Variants in NKAIN2 observed in about 807,000 individuals in gnomAD.
NKAIN2 encodes the protein sodium/potassium-transporting ATPase subunit beta-1-interacting protein 2.
Under a neutral mutation model 32.6 loss-of-function variants are expected in NKAIN2, and 14 were observed. The observed-to-expected ratio is 0.43, with a 90% confidence interval of 0.28 to 0.67. The LOEUF (loss-of-function observed/expected upper bound fraction) is 0.67, where lower values mean the gene tolerates loss of function less well. Ranked by LOEUF, NKAIN2 falls within the 30% of genes least tolerant of loss-of-function variation. The pLI, the probability that NKAIN2 is intolerant of heterozygous loss-of-function variation, is 0.17. For missense variants in NKAIN2, 198 were observed against 258.3 expected (o/e 0.77, Z 1.60); for synonymous variants, 80 against 87.2 (o/e 0.92, Z 0.46).
intron 3 of NKAIN2, among the ~76,000 whole-genome samples, chr6:124,402,510 T>C (rs1773666484): frequency 6.6e-6 from 1 of 152,200 alleles, no homozygotes; most frequent in Non-Finnish European, 1.5e-5. Flanking sequence ...TTTTAAATAT[T>C]ACAGCTTTAT....
At chr6:123,876,641 G>A (rs182035542) in intron 1 of NKAIN2, among the ~76,000 whole-genome samples, 7 of 152,304 alleles carry the variant, frequency 4.6e-5, no homozygotes, top group Admixed American at 3.9e-4. Flanking sequence ...CAAGGAGCAT[G>A]GAGGGTAGCA....
At chr6:123,933,691 A>G (rs235694) in intron 1 of NKAIN2, among the ~76,000 whole-genome samples, 62,871 of 152,024 alleles carry the variant, frequency 0.41, 13,757 homozygotes, top group African/African-American at 0.54. Context: ...TCTACCCTCA[A>G]AGCAATTCTG....
intron 1 of NKAIN2, among the ~76,000 whole-genome samples, chr6:124,185,390 T>G (rs1789665824): frequency 6.6e-6 from 1 of 152,112 alleles, no homozygotes; most frequent in Non-Finnish European, 1.5e-5. Flanking sequence ...TACAAAGCCC[T>G]AGGGACTTAA....
intron 4 of NKAIN2, among the ~76,000 whole-genome samples, chr6:124,775,534 C>T (rs1340218057): frequency 6.6e-6 from 1 of 152,192 alleles, no homozygotes; most frequent in African/African-American, 2.4e-5. Flanking sequence ...GAGAACATTA[C>T]ATTATTTCTG....
intron 1 of NKAIN2, among the ~76,000 whole-genome samples, chr6:124,071,494 G>A (rs1195496641): frequency 2.6e-5 from 4 of 152,050 alleles, no homozygotes; most frequent in Non-Finnish European, 4.4e-5. Context: ...TTAAACTAAA[G>A]AGCTTCTCCA....
intron 1 of NKAIN2, among the ~76,000 whole-genome samples, chr6:123,911,854 CACACAT>C (rs1457359481): frequency 2.2e-5 from 3 of 135,586 alleles, no homozygotes; most frequent in Admixed American, 7.4e-5. Flanking sequence ...CACACACACA[CACACAT>C]ATCAATTCCC....
At chr6:124,253,458 T>C (rs1793777422) in intron 1 of NKAIN2, among the ~76,000 whole-genome samples, 1 of 152,106 alleles carries the variant, frequency 6.6e-6, no homozygotes, top group Non-Finnish European at 1.5e-5. Flanking sequence ...AAAAATAAAA[T>C]AGGGATGGAG....
At chr6:124,319,685 T>TA (rs1288675406) in intron 2 of NKAIN2, among the ~76,000 whole-genome samples, 1 of 152,144 alleles carries the variant, frequency 6.6e-6, no homozygotes, top group Non-Finnish European at 1.5e-5. Flanking sequence ...GGAAAATAAA[T>TA]ATGTCCATTC....
At chr6:124,417,419 A>G (rs1397177975) in intron 3 of NKAIN2, among the ~76,000 whole-genome samples, 1 of 152,198 alleles carries the variant, frequency 6.6e-6, no homozygotes, top group Admixed American at 6.5e-5. Flanking sequence ...AACCCCTCTG[A>G]ACAACAGAGA....
chr6:124,039,026 T>G (rs1781738872), intron 1 of NKAIN2, among the ~76,000 whole-genome samples: 1 of 152,124 alleles, frequency 6.6e-6, no homozygotes, highest in African/African-American at 2.4e-5. Context: ...CTCATATGTA[T>G]GATGTTTTTC....
intron 1 of NKAIN2, among the ~76,000 whole-genome samples, chr6:123,903,744 G>T (rs1377885793): frequency 2.0e-5 from 3 of 152,052 alleles, no homozygotes; most frequent in Admixed American, 6.6e-5. Flanking sequence ...AATATGCAAA[G>T]GCTATGACCA....
intron 1 of NKAIN2, among the ~76,000 whole-genome samples, chr6:123,937,924 G>C (rs1776593567): frequency 8.5e-6 from 1 of 117,900 alleles, no homozygotes; most frequent in African/African-American, 3.3e-5. Flanking sequence ...TTTTCATTAT[G>C]AATGGGGTCA....
At chr6:123,831,285 GTA>G (rs537695289) in intron 1 of NKAIN2, among the ~76,000 whole-genome samples, 6 of 151,184 alleles carry the variant, frequency 4.0e-5, no homozygotes, top group African/African-American at 9.7e-5. Context: ...TATATATAAT[GTA>G]TATATATATG....
intron 2 of NKAIN2, among the ~76,000 whole-genome samples, chr6:124,347,673 C>A (rs57374493): frequency 1.3e-5 from 2 of 152,284 alleles, no homozygotes; most frequent in African/African-American, 4.8e-5. Flanking sequence ...CGAGCCTTGG[C>A]TTTCAGCTCC....
At chr6:124,147,863 T>A (rs1351190111) in intron 1 of NKAIN2, among the ~76,000 whole-genome samples, 1 of 152,114 alleles carries the variant, frequency 6.6e-6, no homozygotes, top group East Asian at 1.9e-4. Flanking sequence ...AATCTCAGCT[T>A]TGTTTCTTTT....
At chr6:124,797,169 C>CAAAAA (rs563319426) in intron 5 of NKAIN2, among the ~76,000 whole-genome samples, 2 of 87,148 alleles carry the variant, frequency 2.3e-5, no homozygotes, top group African/African-American at 4.7e-5. Flanking sequence ...TCCATGTTAG[C>CAAAAA]AAAAAAAAAA....
At chr6:124,083,657 A>T (rs1784070932) in intron 1 of NKAIN2, among the ~76,000 whole-genome samples, 1 of 151,996 alleles carries the variant, frequency 6.6e-6, no homozygotes, top group Non-Finnish European at 1.5e-5. Context: ...TTCCTGTTCT[A>T]TGTGAAATTC....
At chr6:123,814,306 GTTTTATCA>G (rs1773602471) in intron 1 of NKAIN2, among the ~76,000 whole-genome samples, 1 of 152,126 alleles carries the variant, frequency 6.6e-6, no homozygotes, top group African/African-American at 2.4e-5. Flanking sequence ...CATATTTCTG[GTTTTATCA>G]AAAGCGTTCT....
At chr6:124,736,323 T>C (rs1009056638) in intron 4 of NKAIN2, among the ~76,000 whole-genome samples, 71 of 151,908 alleles carry the variant, frequency 4.7e-4, no homozygotes, top group African/African-American at 1.6e-3. Context: ...CTCTATAACA[T>C]GAAAGTGTAA....
Sources: gnomAD v4.1 joint callset for allele counts (sites outside exome capture counted in the v4.1 genomes callset) on GRCh38, gnomAD v4.1.1 for gene constraint, MANE v1.5 for transcripts, NCBI Gene and HGNC (gene_info 2026-07-23, HGNC 2026-07-21) for gene names.